HECTD4: variants seen among roughly 807,000 people sequenced by gnomAD.
HECTD4 encodes the protein HECT domain E3 ubiquitin protein ligase 4.
A neutral mutation model predicts 471.5 loss-of-function variants in HECTD4; 114 were observed. That is an observed-to-expected ratio of 0.24 (90% CI 0.21 to 0.28). The LOEUF (loss-of-function observed/expected upper bound fraction) is 0.28, where lower values mean the gene tolerates loss of function less well. Among genes scored for constraint, HECTD4 ranks in the 10% least tolerant of loss-of-function variants. HECTD4 has a pLI of 1.00. For missense variants in HECTD4, 3,866 were observed against 5,651.5 expected, an observed-to-expected ratio of 0.68 and a Z score of 10.13; for synonymous variants, 2,012 against 2,256.0, an observed-to-expected ratio of 0.89 and a Z score of 3.07.
chr12:112,243,300 A>C lies in HECTD4; in HGVS notation c.4958+53T>G. 1 of 1,489,592 alleles carries C rather than the reference A, an allele frequency of 6.7e-7. No individual in the cohort carries two copies. Among genetic ancestry groups the C allele is most frequent in the Non-Finnish European group, 9.2e-7 (1 of 1,089,940 alleles). 92.3% of individuals were successfully genotyped at this position (1,489,592 alleles called of 1,614,324 possible). On this transcript the variant is annotated intron_variant, in intron 32 of 75. Transcript: ENST00000682272. The surrounding 1 kb of genome is among the most constrained non-coding windows in gnomAD (Gnocchi z 6.6). ...TTTGGGTCCCAAGAATAATCTTTTG[A>C]ATGGCTCTGACCATTCTAGAAAGGA...
intron 55 of HECTD4, 86 bp from the exon 56 acceptor site, chr12:112,195,152 A>C: frequency 8.3e-7 from 1 of 1,207,066 alleles, no homozygotes; most frequent in African/African-American, 1.5e-5. Context: ...CTGAAGGAAA[A>C]GGATCCTGCC....
At chr12:112,324,624 C>A (rs937469707) in intron 1 of HECTD4, among the ~76,000 whole-genome samples, 2 of 152,180 alleles carry the variant, frequency 1.3e-5, no homozygotes, top group African/African-American at 4.8e-5. Context: ...AACCACCTGC[C>A]TTGAAGCTGT....
At chr12:112,304,311 C>T (rs994177079) in intron 7 of HECTD4, among the ~76,000 whole-genome samples, 3 of 139,676 alleles carry the variant, frequency 2.1e-5, no homozygotes, top group Non-Finnish European at 4.5e-5. Flanking sequence ...CTGGTACAAT[C>T]AGGGCTCACT....
chr12:112,380,167 C>T (rs574552038), intron 1 of HECTD4, among the ~76,000 whole-genome samples: 2 of 152,126 alleles, frequency 1.3e-5, no homozygotes, highest in Admixed American at 6.6e-5. Context: ...AGCATAGGCA[C>T]GGCATAGTGG....
intron 39 of HECTD4, 47 bp from the exon 40 acceptor site, chr12:112,230,869 G>C (rs2033362320): frequency 6.4e-7 from 1 of 1,562,334 alleles, no homozygotes; most frequent in African/African-American, 1.4e-5. Flanking sequence ...TGATGGTTAA[G>C]ACTGCAGGGA....
rs957879904 is a variant in HECTD4, at chr12:112,274,760, A to T, written c.1801+87T>A. The T allele has an allele frequency of 2.4e-5, 19 of 779,584 alleles. No individual in the cohort carries two copies. In the Admixed American group the frequency reaches 4.8e-4, roughly 20 times the overall value. The allele number at this position is 779,584 out of a possible 1,614,324, so 48.3% of individuals were successfully genotyped here. On this transcript the variant is annotated intron_variant, in intron 10 of 75. Transcript: ENST00000682272. ...ACGTCTTTCTTTTCAAGAAAACTAGAATGCCACAGGGAACTGGCAAGACAG... is the reference window on the plus strand; with the variant it reads ...ACGTCTTTCTTTTCAAGAAAACTAGTATGCCACAGGGAACTGGCAAGACAG...
At chr12:112,296,896 T>G (rs1317656853) in intron 7 of HECTD4, among the ~76,000 whole-genome samples, 1 of 145,744 alleles carries the variant, frequency 6.9e-6, no homozygotes, top group Non-Finnish European at 1.5e-5. Context: ...GCAGTGGATG[T>G]AGGTGCAGAT....
intron 29 of HECTD4, among the ~76,000 whole-genome samples, chr12:112,246,091 C>T (rs1411081677): frequency 6.6e-6 from 1 of 151,412 alleles, no homozygotes; most frequent in African/African-American, 2.4e-5. Flanking sequence ...GAGATTGTGC[C>T]ACCGCACTCC....
At chr12:112,182,320 A>AT (rs968616995) in intron 62 of HECTD4, among the ~76,000 whole-genome samples, 2 of 151,516 alleles carry the variant, frequency 1.3e-5, no homozygotes, top group East Asian at 1.9e-4. Flanking sequence ...AAATAAAATA[A>AT]TTTTTTTTAA....
intron 1 of HECTD4, among the ~76,000 whole-genome samples, chr12:112,368,984 G>A (rs1483843986): frequency 3.3e-5 from 5 of 152,118 alleles, no homozygotes; most frequent in South Asian, 2.1e-4. Flanking sequence ...AGCACACTTC[G>A]GGAGCCAATG....
intron 29 of HECTD4, 83 bp from the exon 30 acceptor site, chr12:112,244,092 A>C: frequency 1.4e-6 from 2 of 1,399,636 alleles, no homozygotes; most frequent in South Asian, 2.6e-5. Context: ...CCAACAGTCT[A>C]AGTGTATCTT....
chr12:112,352,867 A>G (rs1181043153), intron 1 of HECTD4, among the ~76,000 whole-genome samples: 2 of 152,206 alleles, frequency 1.3e-5, no homozygotes, highest in Non-Finnish European at 2.9e-5. Context: ...TCAGCCTCCC[A>G]AAGTGCTGGG....
Position 112,379,051 on chromosome 12 carries a change from A to G in HECTD4, c.177+2901T>C, listed in dbSNP as rs541122982. 1.8e-4 allele frequency among the ~76,000 whole-genome samples: 28 copies of G among 152,328 alleles called. No homozygotes were observed. The South Asian group carries it at 5.6e-3, about 30-fold the overall frequency. ...AGCAAGACTCCGTCTCAAAAAAAAA[A>G]ACCAAAAATTAATAGACCACGAATC... On this transcript the variant is annotated intron_variant, in intron 1 of 75. Transcript: ENST00000682272.
rs1441573926 is a variant in HECTD4, at chr12:112,173,121, C to A, written c.11595-260G>T. 6.6e-6 allele frequency among the ~76,000 whole-genome samples: 1 copy of A among 152,218 alleles called. No individual in the cohort carries two copies. Among genetic ancestry groups the A allele is most frequent in the Non-Finnish European group, 1.5e-5 (1 of 68,046 alleles). On this transcript the variant is annotated intron_variant, in intron 66 of 75. Coordinates refer to ENST00000682272, the MANE Select transcript of HECTD4 (RefSeq NM_001388303.1). This position sits in a 1 kb window ranked among gnomAD's most constrained non-coding sequence, Gnocchi z 4.3. The stretch of plus-strand genomic sequence containing the variant: ...ACCATGCACCCACCCATGCCTCACT[C>A]CTGTGTGTCGGCAGCAGCACGTGAG...
chr12:112,301,888 A>C (rs2035173775), intron 7 of HECTD4: 1 of 1,020,432 alleles, frequency 9.8e-7, no homozygotes, highest in Non-Finnish European at 1.5e-6. Context: ...GTTTAGTGGC[A>C]AGTTCTTTAG....
chr12:112,220,603 C>G (rs2033059853), intron 44 of HECTD4, among the ~76,000 whole-genome samples: 3 of 152,008 alleles, frequency 2.0e-5, no homozygotes, highest in African/African-American at 7.2e-5. Context: ...TCAAAACCAG[C>G]CTGGCCAACA....
rs751534089 is a variant in HECTD4 at position 112,239,080 on chromosome 12, G to A, written c.5262C>T (p.Asn1754=). Residue 1754 remains asparagine (N), a synonymous_variant, in exon 34 of 76, where the codon AAC becomes AAT. Coordinates refer to ENST00000682272, the MANE Select transcript of HECTD4 (RefSeq NM_001388303.1). This position sits in a 1 kb window ranked among gnomAD's most constrained non-coding sequence, Gnocchi z 4.9. ...CCTCTTTTTCCCACTCAACACAGCG[G>A]TTGGCAAGCACCTGGAAGGCAGCCC... The part of the protein sequence containing the change: ...MAWAAFQVLA[N]RCVEWEKEEG... The A allele has an allele frequency of 6.2e-7, 1 of 1,613,288 alleles. No individual in the cohort carries two copies. The highest frequency in any genetic ancestry group is 1.7e-5 in the Admixed American group (1 of 59,920).
intron 1 of HECTD4, among the ~76,000 whole-genome samples, chr12:112,380,263 G>C (rs952452427): frequency 6.6e-6 from 1 of 152,036 alleles, no homozygotes; most frequent in Non-Finnish European, 1.5e-5. Context: ...TGGCCAACAT[G>C]GTGAAACCCT....
At position 112,184,554 on chromosome 12, in the gene HECTD4, A is replaced by G. The variant is rs746952384; in HGVS notation, c.10412T>C (p.Val3471Ala). The stretch of plus-strand genomic sequence containing the variant: ...GGGGGTCAGGCTGCTGGACGTGCTG[A>G]CCTCCATGCTGTCTGTGCCGGGGAA... ...LAFPGTDSME[V>A]STSSSLTPAM... is the part of the protein sequence containing the mutation. Residue 3471 changes from valine (V) to alanine (A), a missense_variant, in exon 61 of 76, where the codon GTC becomes GCC. This residue lies in a region of HECTD4 where 192 missense variants were observed against 189.9 expected (regional missense o/e 1.01). Coordinates refer to ENST00000682272, the MANE Select transcript of HECTD4 (RefSeq NM_001388303.1). This position sits in a 1 kb window ranked among gnomAD's most constrained non-coding sequence, Gnocchi z 9.1. 6.2e-7 allele frequency: 1 copy of G among 1,612,574 alleles called. No individual in the cohort carries two copies. Among genetic ancestry groups the G allele is most frequent in the Middle Eastern group, 1.7e-4 (1 of 6,052 alleles).
Sources: gnomAD v4.1 joint callset for allele counts (sites outside exome capture counted in the v4.1 genomes callset) on GRCh38, gnomAD v4.1.1 for gene constraint, gnomAD v4.1.1 regional missense constraint, Gnocchi (gnomAD v3.1) non-coding constraint, MANE v1.5 for transcripts, NCBI Gene and HGNC (gene_info 2026-07-23, HGNC 2026-07-21) for gene names.